The following MYBPC3 variants were observed in gnomAD, a reference collection of about 807,000 sequenced individuals.
MYBPC3 encodes myosin binding protein C3.
MYBPC3 carries 108 observed loss-of-function variants against 159.3 expected under a neutral mutation model. The ratio of observed to expected loss-of-function variants is 0.68; its 90% CI spans 0.58 to 0.80. MYBPC3 has a LOEUF of 0.80. MYBPC3 is among the 30% of genes least tolerant of loss of function. The pLI is 0.00. For missense variants in MYBPC3, 1,631 were observed against 1,762.1 expected, an observed-to-expected ratio of 0.93 and a Z score of 1.33; for synonymous variants, 730 against 702.0, an observed-to-expected ratio of 1.04 and a Z score of -0.63.
chr11:47,338,716 G>C lies in MYBPC3; in HGVS notation c.2149-37C>G. 6.4e-7 allele frequency: 1 copy of C among 1,572,224 alleles called. No homozygotes were observed. Among genetic ancestry groups the C allele is most frequent in the Non-Finnish European group, 8.6e-7 (1 of 1,158,474 alleles). ...CAGAGTTGGGGTGAGATCCAAGTCA[G>C]ACCCCAGAGGCCCTTGCAGCCTCCG... On this transcript the variant is annotated intron_variant, in intron 22 of 34. Coordinates refer to ENST00000545968, the MANE Select transcript of MYBPC3 (RefSeq NM_000256.3). This position sits in a 1 kb window ranked among gnomAD's most constrained non-coding sequence, Gnocchi z 4.7.
intron 17 of MYBPC3, 78 bp from the exon 18 acceptor site, chr11:47,342,234 C>T: frequency 3.9e-6 from 6 of 1,532,532 alleles, no homozygotes; most frequent in African/African-American, 2.7e-5. Flanking sequence ...GCGTGTGGGC[C>T]CATGGGCGCT....
Position 47,332,392 on chromosome 11 carries a change from C to G in MYBPC3, c.3628-134G>C. The G allele has an allele frequency of 7.0e-7, 1 of 1,424,982 alleles. No individual in the cohort carries two copies. Among genetic ancestry groups the G allele is most frequent in the Non-Finnish European group, 9.7e-7 (1 of 1,035,548 alleles). 88.3% of individuals were successfully genotyped at this position (1,424,982 alleles called of 1,614,324 possible). On this transcript the variant is annotated intron_variant, in intron 32 of 34. Coordinates refer to ENST00000545968, the MANE Select transcript of MYBPC3 (RefSeq NM_000256.3). The surrounding 1 kb of genome is among the most constrained non-coding windows in gnomAD (Gnocchi z 4.2). ...CCCTGACTATGCCCAAGGCTGGAAA[C>G]AAACATGGAACCAAGAGTGAGTACC... is the stretch of plus-strand genomic sequence containing the variant.
At chr11:47,343,791 C>CTGTT (rs1006197400) in intron 12 of MYBPC3, among the ~76,000 whole-genome samples, 167 bp from the exon 13 acceptor site, 1 of 151,714 alleles carries the variant, frequency 6.6e-6, no homozygotes, top group Non-Finnish European at 1.5e-5. Context: ...GTTTGTTTGT[C>CTGTT]TGTTTGTTTG....
chr11:47,331,892 G>A lies in MYBPC3; in HGVS notation c.3815-11C>T. On this transcript the variant is annotated splice_polypyrimidine_tract_variant and intron_variant, in intron 33 of 34. Transcript: ENST00000545968. ...CTGGTCACTGAGGCACTGCAGAAGA[G>A]GAGGCCATGTCACTGTGTCCTCCCA... 6.2e-7 allele frequency: 1 copy of A among 1,610,266 alleles called. No homozygotes were observed. The highest frequency in any genetic ancestry group is 8.5e-7 in the Non-Finnish European group (1 of 1,178,594).
chr11:47,336,482 T>A, intron 25 of MYBPC3: 1 of 115,698 alleles, frequency 8.6e-6, no homozygotes. Context: ...AGAGCGAGAC[T>A]CCATCTCAAA....
intron 12 of MYBPC3, 88 bp from the exon 13 acceptor site, chr11:47,343,712 G>GT (rs989191069): frequency 4.2e-4 from 586 of 1,392,344 alleles, no homozygotes; most frequent in Non-Finnish European, 5.4e-4. Flanking sequence ...TGGGGCCCAG[G>GT]TCCCCCCCTC....
At chr11:47,339,904 AT>A in intron 20 of MYBPC3, 114 bp from the exon 21 acceptor site, 1 of 1,178,868 alleles carries the variant, frequency 8.5e-7, no homozygotes, top group South Asian at 1.5e-5. Flanking sequence ...TTAGATTTGT[AT>A]TGAGGTATAG....
intron 27 of MYBPC3, among the ~76,000 whole-genome samples, chr11:47,334,754 G>T (rs532574589): frequency 5.3e-5 from 8 of 152,220 alleles, no homozygotes; most frequent in Admixed American, 2.6e-4. Flanking sequence ...GTAGAGACAG[G>T]GTTTCACTAT....
At chr11:47,345,263 T>G (rs2095892998) in intron 12 of MYBPC3, among the ~76,000 whole-genome samples, 1 of 152,156 alleles carries the variant, frequency 6.6e-6, no homozygotes, top group Non-Finnish European at 1.5e-5. Flanking sequence ...ATTGGTGGCA[T>G]TCAGGGGATC....
At position 47,335,912 on chromosome 11, in the gene MYBPC3, A is replaced by G. The variant is rs767113733; in HGVS notation, c.2702T>C (p.Leu901Pro). 5 of 1,545,004 alleles carry G rather than the reference A, an allele frequency of 3.2e-6. No homozygotes were observed. Among genetic ancestry groups the G allele is most frequent in the Middle Eastern group, 1.9e-4 (1 of 5,264 alleles). The change falls in exon 26 of 35, where the codon CTG becomes CCG. Residue 901 changes from leucine to proline, a missense_variant. Coordinates refer to ENST00000545968, the MANE Select transcript of MYBPC3 (RefSeq NM_000256.3). ...GCAGTACTCCACGCTGTAGCCATCC[A>G]GGCCTCCTGCTCCCACGCGCTCTGG... Reference protein sequence around the residue: ...RPPERVGAGGLDGYSVEYCPE... With the variant: ...RPPERVGAGGPDGYSVEYCPE...
In MYBPC3 at chr11:47,347,407, A is replaced by G; in HGVS notation, c.905+19T>C. 1 of 1,573,864 alleles carries G rather than the reference A, an allele frequency of 6.4e-7. No homozygotes were observed. Among genetic ancestry groups the G allele is most frequent in the Non-Finnish European group, 8.6e-7 (1 of 1,159,950 alleles). ...CCAGGCCTCACCAGCTGCCCCAGGA[A>G]CTGCCACCCAGGACTCACCTCTTTT... On this transcript the variant is annotated intron_variant, in intron 9 of 34. Transcript: ENST00000545968.
At chr11:47,352,487 G>T in intron 1 of MYBPC3, 136 bp downstream of exon 1, 2 of 1,095,044 alleles carry the variant, frequency 1.8e-6, no homozygotes, top group South Asian at 1.6e-5. Context: ...GACCCTGGAG[G>T]ACTGGCTGCC....
At chr11:47,352,522 G>A (rs776060578) in intron 1 of MYBPC3, 101 bp downstream of exon 1, 34 of 1,483,288 alleles carry the variant, frequency 2.3e-5, no homozygotes, top group South Asian at 1.6e-4. Flanking sequence ...CAGAGGCCAC[G>A]TCCTCGTCAA....
At chr11:47,349,406 A>T (rs2071305) in intron 5 of MYBPC3, among the ~76,000 whole-genome samples, 2 of 151,730 alleles carry the variant, frequency 1.3e-5, no homozygotes, top group Non-Finnish European at 2.9e-5. Flanking sequence ...TCACCCATCC[A>T]GGGGCTTTAC....
Position 47,337,705 on chromosome 11 carries a change from C to T in MYBPC3, c.2398G>A (p.Gly800Arg), listed in dbSNP as rs727504574. ...VQWEPPAYDG[G>R]QPILGYILER... is the part of the protein sequence containing the mutation. ...TTGCACTCACCCAGGATGGGCTGCC[C>T]GCCATCGTAGGCAGGCGGCTCCCAC... The change falls in exon 24 of 35, where the codon GGG becomes AGG. Residue 800 changes from glycine (G) to arginine (R), a missense_variant. By Grantham distance (125) the Gly-to-Arg change is moderately radical. Transcript: ENST00000545968. 38 of 1,578,396 alleles carry T rather than the reference C, an allele frequency of 2.4e-5. 1 individual carries two copies. Among genetic ancestry groups the T allele is most frequent in the East Asian group, 9.3e-5 (4 of 42,854 alleles).
At position 47,335,163 on chromosome 11, in the gene MYBPC3, C is replaced by T. The variant is rs372510974; in HGVS notation, c.2784G>A (p.Ser928=). 14 of 1,612,588 alleles carry T rather than the reference C, an allele frequency of 8.7e-6. No homozygotes were observed. Among genetic ancestry groups the T allele is most frequent in the African/African-American group, 2.7e-5 (2 of 74,866 alleles). Residue 928 remains serine, a synonymous_variant, in exon 27 of 35, where the codon TCG becomes TCA. Coordinates refer to ENST00000545968, the MANE Select transcript of MYBPC3 (RefSeq NM_000256.3). ...AALQGLTEHT[S]ILVKDLPTGA... ...CCGTGGGCAGGTCCTTCACCAGTAT[C>T]GATGTGTGCTCTGTCAGCCCCTGCA...
At chr11:47,348,956 C>T (rs1249029259) in intron 5 of MYBPC3, among the ~76,000 whole-genome samples, 1 of 88,416 alleles carries the variant, frequency 1.1e-5, no homozygotes, top group African/African-American at 3.8e-5. Flanking sequence ...GACAAATGCT[C>T]ATCGATCTTC....
intron 5 of MYBPC3, 30 bp from the exon 6 acceptor site, chr11:47,348,571 G>A (rs1480901864): frequency 1.3e-6 from 2 of 1,552,886 alleles, no homozygotes; most frequent in South Asian, 1.1e-5. Flanking sequence ...GGGCGTCAGG[G>A]GACACCAGGG....
At position 47,342,584 on chromosome 11, in the gene MYBPC3, C is replaced by T; in HGVS notation, c.1618G>A (p.Val540Met). The stretch of plus-strand genomic sequence containing the variant: ...CCCCCCCAGCCAGGCTCACCCTGCA[C>T]AATGAGCTCAGCCAGCGCCTGGCCC... ...SGGQALAELI[V>M]QEKKLEVYQS... The change falls in exon 17 of 35, where the codon GTG becomes ATG. Residue 540 changes from valine (V) to methionine (M), a missense_variant. Coordinates refer to ENST00000545968, the MANE Select transcript of MYBPC3 (RefSeq NM_000256.3). 1 of 1,600,228 alleles carries T rather than the reference C, an allele frequency of 6.2e-7. No homozygotes were observed.
Sources: gnomAD v4.1 joint callset for allele counts (sites outside exome capture counted in the v4.1 genomes callset) on GRCh38, gnomAD v4.1.1 for gene constraint, Gnocchi (gnomAD v3.1) non-coding constraint, MANE v1.5 for transcripts, NCBI Gene and HGNC (gene_info 2026-07-23, HGNC 2026-07-21) for gene names.